The following NOTCH1 variants were observed in gnomAD, a reference collection of about 807,000 sequenced individuals.
The protein encoded by NOTCH1 is notch receptor 1.
A neutral mutation model predicts 254.8 loss-of-function variants in NOTCH1; 37 were observed. The observed-to-expected ratio is 0.15, with a 90% CI of 0.11 to 0.19. NOTCH1 has a LOEUF of 0.19. Among genes scored for constraint, NOTCH1 ranks in the 10% least tolerant of loss-of-function variants. NOTCH1 has a pLI of 1.00. For missense variants in NOTCH1, 2,972 were observed against 3,708.6 expected (o/e 0.80, Z 5.16); for synonymous variants, 1,731 against 1,618.1 (o/e 1.07, Z -1.68).
chr9:136,536,433 G>C (rs769612422), intron 2 of NOTCH1, among the ~76,000 whole-genome samples: 13 of 152,190 alleles, frequency 8.5e-5, no homozygotes, highest in Non-Finnish European at 1.9e-4. Flanking sequence ...GAGGGTCCAG[G>C]GGGAGAAGCA....
intron 33 of NOTCH1, among the ~76,000 whole-genome samples, chr9:136,498,522 C>T (rs114077501): frequency 2.0e-5 from 3 of 152,348 alleles, no homozygotes; most frequent in African/African-American, 7.2e-5. Context: ...TCCCCACCCC[C>T]GCCTGGTGAC....
At chr9:136,533,973 A>C (rs1232773125) in intron 2 of NOTCH1, among the ~76,000 whole-genome samples, 1 of 152,164 alleles carries the variant, frequency 6.6e-6, no homozygotes, top group Non-Finnish European at 1.5e-5. Context: ...TCGGGCCATG[A>C]GTCACGCTGG....
chr9:136,502,110 A>C, intron 28 of NOTCH1, 22 bp from the exon 29 acceptor site: 1 of 1,612,146 alleles, frequency 6.2e-7, no homozygotes. Context: ...GGGGTCGAGA[A>C]GTGAGGCTGA....
At chr9:136,536,804 C>T (rs897556839) in intron 2 of NOTCH1, among the ~76,000 whole-genome samples, 7 of 152,258 alleles carry the variant, frequency 4.6e-5, no homozygotes, top group Non-Finnish European at 5.9e-5. Context: ...GCATGCTCCT[C>T]CCCTGCCCAG....
In NOTCH1 at chr9:136,496,329, G is replaced by T; in HGVS notation, c.7410C>A (p.Ser2470=). The change falls in exon 34 of 34, where the codon TCC becomes TCA. Residue 2470 remains serine (S), a synonymous_variant. Transcript: ENST00000651671. ...CTGCGGTCACGGGTGGGACCAGCGA[G>T]GATGGCAGCGACGTGGGCAGGGCGG... ...ESPALPTSLP[S]SLVPPVTAAQ... 1 of 1,594,308 alleles carries T rather than the reference G, an allele frequency of 6.3e-7. No individual in the cohort carries two copies. The highest frequency in any genetic ancestry group is 1.8e-5 in the Admixed American group (1 of 57,130).
chr9:136,514,458 A>G (rs2133360141), intron 13 of NOTCH1, 52 bp downstream of exon 13: 1 of 1,511,160 alleles, frequency 6.6e-7, no homozygotes, highest in East Asian at 2.4e-5. Context: ...CTGGCAGCAG[A>G]GCTCCCAGGG....
rs1589069177 is a variant in NOTCH1 at position 136,518,932 on chromosome 9, C to T, written c.866-108G>A. ...GCCCCCTCCAGGAAGCCTTCCTGGG[C>T]TGACTCCTCCACCCACCGCCAGCCT... On this transcript the variant is annotated intron_variant, in intron 5 of 33. Coordinates refer to ENST00000651671, the MANE Select transcript of NOTCH1 (RefSeq NM_017617.5). 3.4e-6 allele frequency: 3 copies of T among 888,386 alleles called. No individual in the cohort carries two copies. In the East Asian group the frequency reaches 7.8e-5, roughly 23 times the overall value. The allele number at this position is 888,386 out of a possible 1,614,324, so 55.0% of individuals were successfully genotyped here.
chr9:136,506,934 G>C lies in NOTCH1; in HGVS notation c.3683C>G (p.Pro1228Arg), dbSNP rs561646185. The change falls in exon 23 of 34, where the codon CCC (proline) becomes CGC (arginine). Residue 1228 changes from proline (P) to arginine (R), a missense_variant. Coordinates refer to ENST00000651671, the MANE Select transcript of NOTCH1 (RefSeq NM_017617.5). The surrounding 1 kb of genome is among the most constrained non-coding windows in gnomAD (Gnocchi z 4.5). The part of the protein sequence containing the change: ...CEINVDDCNP[P>R]VDPVSRSPKC... Reference sequence around the variant, plus strand: ...GGGGCTCCGGGACACGGGGTCAACGGGGGGATTGCAGTCGTCCACGTTGAT... The same window carrying C: ...GGGGCTCCGGGACACGGGGTCAACGCGGGGATTGCAGTCGTCCACGTTGAT... The C allele has an allele frequency of 6.2e-7, 1 of 1,611,260 alleles. No individual in the cohort carries two copies. Among genetic ancestry groups the C allele is most frequent in the Non-Finnish European group, 8.5e-7 (1 of 1,179,396 alleles).
intron 2 of NOTCH1, among the ~76,000 whole-genome samples, chr9:136,534,485 C>A (rs1410956989): frequency 6.6e-6 from 1 of 152,160 alleles, no homozygotes; most frequent in South Asian, 2.1e-4. Context: ...ACGACTATTT[C>A]TTGGGGAAAA....
chr9:136,524,291 G>C (rs1228307780), intron 2 of NOTCH1, among the ~76,000 whole-genome samples: 1 of 152,212 alleles, frequency 6.6e-6, no homozygotes, highest in African/African-American at 2.4e-5. Flanking sequence ...GGGTGACAGA[G>C]CAAGACTCAA....
intron 17 of NOTCH1, 107 bp from the exon 18 acceptor site, chr9:136,510,068 G>A (rs528452462): frequency 3.9e-5 from 42 of 1,085,932 alleles, no homozygotes; most frequent in African/African-American, 1.7e-4. Flanking sequence ...TTTCGTTGCC[G>A]AGGCTGCGGC....
At position 136,513,580 on chromosome 9, in the gene NOTCH1, G is replaced by T; in HGVS notation, c.2208-43C>A. ...CTGCAGGTCGAGGGAGGCCCGAGCA[G>T]CACGGCCGGGGCCTGGGCACTCCCG... On this transcript the variant is annotated intron_variant, in intron 13 of 33. Coordinates refer to ENST00000651671, the MANE Select transcript of NOTCH1 (RefSeq NM_017617.5). The surrounding 1 kb of genome is among the most constrained non-coding windows in gnomAD (Gnocchi z 4.7). 6.2e-7 allele frequency: 1 copy of T among 1,610,138 alleles called. No homozygotes were observed. The highest frequency in any genetic ancestry group is 8.5e-7 in the Non-Finnish European group (1 of 1,178,890).
chr9:136,515,224 G>C (rs747983917), intron 12 of NOTCH1, 66 bp downstream of exon 12: 1 of 1,484,340 alleles, frequency 6.7e-7, no homozygotes, highest in Non-Finnish European at 9.4e-7. Flanking sequence ...AGCAGCCCCA[G>C]GGCAGAGTGG....
chr9:136,541,024 C>T (rs546036002), intron 2 of NOTCH1, among the ~76,000 whole-genome samples: 1 of 152,314 alleles, frequency 6.6e-6, no homozygotes, highest in African/African-American at 2.4e-5. Context: ...CTTGCTCACA[C>T]TGACGGAGCT....
Position 136,511,259 on chromosome 9 carries a change from T to A in NOTCH1, c.2480A>T (p.Glu827Val), listed in dbSNP as rs2133354991. The change falls in exon 16 of 34, where the codon GAG becomes GTG. Residue 827 changes from glutamate (E) to valine (V), a missense_variant. Physicochemically the swap from Glu to Val is moderately radical, Grantham distance 121 (BLOSUM62 -2). Around this residue, in one of 8 missense-constraint regions of NOTCH1, gnomAD observed 1,343 missense variants for 1,557.0 expected, o/e 0.86. Coordinates refer to ENST00000651671, the MANE Select transcript of NOTCH1 (RefSeq NM_017617.5). The stretch of plus-strand genomic sequence containing the variant: ...GGGGGCACACGGGGCCAGCACCACC[T>A]CACACGTGGCACCTGCGGGAAGGAG... ...CLLPYTGATC[E>V]VVLAPCAPSP... 1 of 1,611,878 alleles carries A rather than the reference T, an allele frequency of 6.2e-7. No homozygotes were observed. The highest frequency in any genetic ancestry group is 8.5e-7 in the Non-Finnish European group (1 of 1,179,802).
In NOTCH1 at chr9:136,506,460, C is replaced by T. The variant is rs1485927788; in HGVS notation, c.4014+67G>A. 13 of 1,383,366 alleles carry T rather than the reference C, an allele frequency of 9.4e-6. No homozygotes were observed. The highest frequency in any genetic ancestry group is 1.3e-5 in the Non-Finnish European group (13 of 1,002,272). 85.7% of individuals were successfully genotyped at this position (1,383,366 alleles called of 1,614,324 possible). ...TCACTGCCCGGTCTGCGCCCCGAGG[C>T]CCCCACGTGGACCTCTCCAGGTGTC... On this transcript the variant is annotated intron_variant, in intron 24 of 33. Transcript: ENST00000651671. This position sits in a 1 kb window ranked among gnomAD's most constrained non-coding sequence, Gnocchi z 4.5.
rs776610176 is a variant in NOTCH1 at position 136,503,246 on chromosome 9, T to C, written c.5103A>G (p.Ala1701=). The stretch of plus-strand genomic sequence containing the variant: ...CCAGCGAGGCGAGCGCTCCCAGGAA[T>C]GCGGCCACGTCGGTGGCACTCTGGA... ...QCFQSATDVA[A]FLGALASLGS... Residue 1701 remains alanine (A), a synonymous_variant, in exon 27 of 34, where the codon GCA becomes GCG. Coordinates refer to ENST00000651671, the MANE Select transcript of NOTCH1 (RefSeq NM_017617.5). The C allele has an allele frequency of 5.6e-6, 9 of 1,612,730 alleles. No homozygotes were observed. Among genetic ancestry groups the C allele is most frequent in the Admixed American group, 1.7e-5 (1 of 59,994 alleles).
intron 9 of NOTCH1, 48 bp from the exon 10 acceptor site, chr9:136,516,142 G>T: frequency 7.3e-7 from 1 of 1,375,750 alleles, no homozygotes; most frequent in South Asian, 1.2e-5. Context: ...ACAGCACTAT[G>T]GCCCTTCAGG....
At chr9:136,511,120 C>T in intron 16 of NOTCH1, 32 bp downstream of exon 16, 1 of 1,612,880 alleles carries the variant, frequency 6.2e-7, no homozygotes, top group Non-Finnish European at 8.5e-7. Context: ...GACCTCCCAT[C>T]CCAGCCCTCA....
Sources: allele counts gnomAD v4.1 joint callset (sites outside exome capture counted in the v4.1 genomes callset), GRCh38; gene constraint gnomAD v4.1.1; regional missense constraint gnomAD v4.1.1; non-coding constraint Gnocchi (gnomAD v3.1); transcripts MANE v1.5; gene names NCBI Gene and HGNC (gene_info 2026-07-23, HGNC 2026-07-21).